CDH13: variants seen among roughly 807,000 people sequenced by gnomAD.
CDH13 encodes the protein cadherin 13.
A neutral mutation model predicts 63.8 loss-of-function variants in CDH13; 24 were observed. The ratio of observed to expected loss-of-function variants is 0.38; its 90% confidence interval spans 0.27 to 0.53. The LOEUF is 0.53. CDH13 is among the 20% of genes least tolerant of loss of function. The probability of loss-of-function intolerance (pLI) is 0.85; values close to 1 mark genes in which losing one functional copy is unlikely to be tolerated. For missense variants in CDH13, 1,049 were observed against 903.1 expected (o/e 1.16, Z -2.07); for synonymous variants, 503 against 355.3 (o/e 1.42, Z -4.67).
intron 10 of CDH13, chr16:83,735,399 G>C (rs1217448835): frequency 6.6e-6 from 1 of 152,074 alleles, no homozygotes; most frequent in Non-Finnish European, 1.5e-5. Context: ...ACTTGTCATG[G>C]ATTTACTTAT....
chr16:83,417,146 A>G (rs188198685), intron 6 of CDH13, among the ~76,000 whole-genome samples: 3 of 152,188 alleles, frequency 2.0e-5, no homozygotes, highest in Non-Finnish European at 1.5e-5. Context: ...GCCCAAGGAC[A>G]CACAGTTTCC....
At chr16:83,321,565 G>C (rs2090225961) in intron 5 of CDH13, among the ~76,000 whole-genome samples, 1 of 114,226 alleles carries the variant, frequency 8.8e-6, no homozygotes, top group Non-Finnish European at 1.6e-5. Flanking sequence ...GTCTCACTCT[G>C]TCGCCTAGGC....
chr16:82,949,229 T>G (rs547256163), intron 2 of CDH13, among the ~76,000 whole-genome samples: 1 of 152,318 alleles, frequency 6.6e-6, no homozygotes, highest in African/African-American at 2.4e-5. Flanking sequence ...AGGGGAGGAT[T>G]CGGCCTCACC....
intron 6 of CDH13, among the ~76,000 whole-genome samples, chr16:83,468,791 G>T (rs559939786): frequency 6.6e-6 from 1 of 152,122 alleles, no homozygotes. Context: ...TCTGGGATAC[G>T]TGTGCAGAAT....
intron 4 of CDH13, among the ~76,000 whole-genome samples, chr16:83,165,184 T>C (rs944629434): frequency 6.6e-6 from 1 of 151,798 alleles, no homozygotes; most frequent in Admixed American, 6.6e-5. Flanking sequence ...AAAGGCCAAG[T>C]CCAGTAAGTC....
At chr16:83,108,889 G>A (rs1369896231) in intron 3 of CDH13, among the ~76,000 whole-genome samples, 1 of 152,112 alleles carries the variant, frequency 6.6e-6, no homozygotes, top group Non-Finnish European at 1.5e-5. Flanking sequence ...CCGAGTCACA[G>A]GTTCTGCCCT....
At chr16:82,877,705 A>C (rs2040550876) in intron 2 of CDH13, among the ~76,000 whole-genome samples, 1 of 152,256 alleles carries the variant, frequency 6.6e-6, no homozygotes, top group East Asian at 1.9e-4. Flanking sequence ...AAAGCATGCA[A>C]AAATACCCCA....
chr16:82,912,319 C>T (rs1020028956), intron 2 of CDH13, among the ~76,000 whole-genome samples: 2 of 152,146 alleles, frequency 1.3e-5, no homozygotes, highest in African/African-American at 4.8e-5. Flanking sequence ...TAAACCTGAG[C>T]CAGCTAAATA....
At chr16:83,520,843 C>G (rs544962068) in intron 7 of CDH13, among the ~76,000 whole-genome samples, 1 of 152,188 alleles carries the variant, frequency 6.6e-6, no homozygotes, top group Admixed American at 6.5e-5. Flanking sequence ...CCACATGGCT[C>G]TGGCCTCAGT....
intron 1 of CDH13, among the ~76,000 whole-genome samples, chr16:82,793,423 C>T (rs17192863): frequency 2.6e-5 from 4 of 151,408 alleles, no homozygotes; most frequent in African/African-American, 9.7e-5. Context: ...AATGAAAAAG[C>T]ATTTAATTGA....
intron 5 of CDH13, among the ~76,000 whole-genome samples, chr16:83,265,543 A>G (rs1056375113): frequency 1.5e-4 from 23 of 151,862 alleles, no homozygotes; most frequent in African/African-American, 5.3e-4. Context: ...CTGTTGTTGT[A>G]TTATTGTTTA....
At chr16:83,090,998 G>A (rs2033879314) in intron 3 of CDH13, among the ~76,000 whole-genome samples, 1 of 151,316 alleles carries the variant, frequency 6.6e-6, no homozygotes, top group African/African-American at 2.4e-5. Context: ...ATATATGTTT[G>A]TTACTGTAAT....
chr16:82,720,959 C>A (rs2032733421), intron 1 of CDH13, among the ~76,000 whole-genome samples: 1 of 152,264 alleles, frequency 6.6e-6, no homozygotes, highest in African/African-American at 2.4e-5. Context: ...GAGAAGGGAT[C>A]AAGAACCTGA....
Position 83,415,265 on chromosome 16 carries a change from T to C in CDH13, c.781+70259T>C, listed in dbSNP as rs114894247. ...AAAGTCCGAACGGACCCATAACTCA[T>C]AGGGAGATTGAATCGGTAACCACAA... On this transcript the variant is annotated intron_variant, in intron 6 of 13. Coordinates refer to ENST00000567109, the MANE Select transcript of CDH13 (RefSeq NM_001257.5). Among the ~76,000 whole-genome samples, 1,485 of 152,032 alleles carry C rather than the reference T, an allele frequency of 9.8e-3. 27 individuals are homozygous for C. The highest frequency in any genetic ancestry group is 0.034 in the African/African-American group (1,405 of 41,450).
intron 2 of CDH13, among the ~76,000 whole-genome samples, chr16:82,866,121 C>T (rs1346245662): frequency 2.0e-5 from 3 of 152,148 alleles, no homozygotes; most frequent in Non-Finnish European, 4.4e-5. Flanking sequence ...TCATCACCCT[C>T]TGAGACCACA....
chr16:83,748,005 C>T, intron 10 of CDH13, 103 bp from the exon 11 acceptor site: 4 of 1,269,108 alleles, frequency 3.2e-6, no homozygotes, highest in Non-Finnish European at 3.4e-6. Context: ...TTTTTGTTAC[C>T]TAGGATCCAG....
chr16:83,620,561 G>A (rs980806079), intron 8 of CDH13, among the ~76,000 whole-genome samples: 1 of 152,102 alleles, frequency 6.6e-6, no homozygotes, highest in Admixed American at 6.5e-5. Context: ...TGGGAATAAC[G>A]CCAACCACAG....
rs561537868 is a variant in CDH13 at position 83,158,574 on chromosome 16, G to A, written c.483+33073G>A. 3.0e-4 allele frequency among the ~76,000 whole-genome samples: 45 copies of A among 152,306 alleles called. No individual in the cohort carries two copies. The South Asian group carries it at 8.1e-3, about 27-fold the overall frequency. On this transcript the variant is annotated intron_variant, in intron 4 of 13. Transcript: ENST00000567109. Reference sequence around the variant, plus strand: ...GACTCAGAGCAGCCCATCTACGGGCGCACTGTTCAGAAAGTCGTGGAGGTA... The same window carrying A: ...GACTCAGAGCAGCCCATCTACGGGCACACTGTTCAGAAAGTCGTGGAGGTA...
At chr16:83,496,897 A>C (rs113766703) in intron 7 of CDH13, among the ~76,000 whole-genome samples, 2 of 152,216 alleles carry the variant, frequency 1.3e-5, no homozygotes, top group Admixed American at 6.5e-5. Flanking sequence ...GCAGCCAAAA[A>C]ACACATGAAA....
Sources: gnomAD v4.1 joint callset for allele counts (sites outside exome capture counted in the v4.1 genomes callset) on GRCh38, gnomAD v4.1.1 for gene constraint, MANE v1.5 for transcripts, NCBI Gene and HGNC (gene_info 2026-07-23, HGNC 2026-07-21) for gene names.